Variants in BAG4 observed in about 807,000 individuals in gnomAD.
BAG4 encodes the protein BAG cochaperone 4.
A neutral mutation model predicts 52.1 loss-of-function variants in BAG4; 28 were observed. That is an observed-to-expected ratio of 0.54 (90% CI 0.40 to 0.74). The LOEUF (loss-of-function observed/expected upper bound fraction) is 0.74, where lower values mean the gene tolerates loss of function less well. BAG4 is among the 30% of genes least tolerant of loss of function. BAG4 has a pLI of 0.00. For synonymous variants in BAG4, 208 were observed against 217.0 expected (o/e 0.96, Z 0.37); for missense variants, 525 against 572.0 (o/e 0.92, Z 0.84).
Position 38,176,918 on chromosome 8 carries a change from T to C in BAG4, c.49T>C (p.Tyr17His), listed in dbSNP as rs757869191. The change falls in exon 1 of 5, where the codon TAC (tyrosine) becomes CAC (histidine). Residue 17 changes from tyrosine (Y) to histidine (H), a missense_variant. Coordinates refer to ENST00000287322, the MANE Select transcript of BAG4 (RefSeq NM_004874.4). Reference sequence around the variant, plus strand: ...CTACGGCCCCAGTGACGGTCCGTCCTACGGCCGCTACTACGGGCCTGGGGG... The same window carrying C: ...CTACGGCCCCAGTGACGGTCCGTCCCACGGCCGCTACTACGGGCCTGGGGG... ...SGYGPSDGPS[Y>H]GRYYGPGGGD... is the part of the protein sequence containing the mutation. The C allele has an allele frequency of 1.3e-6, 2 of 1,550,044 alleles. No homozygotes were observed. Among genetic ancestry groups the C allele is most frequent in the South Asian group, 1.2e-5 (1 of 84,040 alleles).
At chr8:38,188,868 A>G (rs566183182) in intron 1 of BAG4, among the ~76,000 whole-genome samples, 63 of 152,000 alleles carry the variant, frequency 4.1e-4, no homozygotes, top group African/African-American at 1.4e-3. Flanking sequence ...ATCTTGGCTC[A>G]CTGCAACCTC....
At chr8:38,205,787 C>T (rs777713118) in intron 2 of BAG4, among the ~76,000 whole-genome samples, 6 of 151,884 alleles carry the variant, frequency 4.0e-5, no homozygotes, top group Non-Finnish European at 5.9e-5. Flanking sequence ...ATATAGTCTT[C>T]GAGATAGAGA....
At chr8:38,184,049 A>AT (rs1416247608) in intron 1 of BAG4, among the ~76,000 whole-genome samples, 5 of 152,202 alleles carry the variant, frequency 3.3e-5, no homozygotes, top group Non-Finnish European at 5.9e-5. Context: ...TAAACAGGTT[A>AT]TTGGAGTTAT....
At chr8:38,194,113 C>G (rs1470564722) in intron 2 of BAG4, among the ~76,000 whole-genome samples, 2 of 152,076 alleles carry the variant, frequency 1.3e-5, no homozygotes, top group African/African-American at 4.8e-5. Context: ...CTCAGGTGAT[C>G]CGCCCACCTT....
At chr8:38,202,467 G>A (rs1389568092) in intron 2 of BAG4, among the ~76,000 whole-genome samples, 1 of 151,552 alleles carries the variant, frequency 6.6e-6, no homozygotes, top group African/African-American at 2.4e-5. Context: ...GGTTGCCCCC[G>A]CTTATCTTAA....
intron 2 of BAG4, among the ~76,000 whole-genome samples, chr8:38,196,004 G>A (rs535243959): frequency 1.3e-5 from 2 of 152,244 alleles, no homozygotes; most frequent in East Asian, 1.9e-4. Context: ...CATACAGTAT[G>A]TGGCATTTTG....
intron 1 of BAG4, among the ~76,000 whole-genome samples, chr8:38,184,751 A>C (rs1272577497): frequency 6.6e-6 from 1 of 152,136 alleles, no homozygotes; most frequent in Non-Finnish European, 1.5e-5. Flanking sequence ...GGGAGGGAGA[A>C]AGGTTTGTAG....
Position 38,212,556 on chromosome 8 carries a change from A to T in BAG4, c.*2063A>T, listed in dbSNP as rs1803882267. On this transcript the variant is annotated 3_prime_UTR_variant, in exon 5 of 5. Transcript: ENST00000287322. Reference sequence around the variant, plus strand: ...AGAAAGTTTAAAAAGTAGAGATTTTAGTCTTTTCACTAATGTCCTTTTACT... The same window carrying T: ...AGAAAGTTTAAAAAGTAGAGATTTTTGTCTTTTCACTAATGTCCTTTTACT... 1 of 152,202 alleles carries T rather than the reference A, an allele frequency of 6.6e-6. No individual in the cohort carries two copies. The highest frequency in any genetic ancestry group is 2.1e-4 in the South Asian group (1 of 4,828). 9.4% of individuals were successfully genotyped at this position (152,202 alleles called of 1,614,324 possible).
chr8:38,177,778 C>G (rs937684578), intron 1 of BAG4, among the ~76,000 whole-genome samples: 1 of 152,112 alleles, frequency 6.6e-6, no homozygotes, highest in Non-Finnish European at 1.5e-5. Flanking sequence ...ACTCACTTGC[C>G]TAATACACTT....
At chr8:38,184,312 C>G (rs1009721164) in intron 1 of BAG4, among the ~76,000 whole-genome samples, 1 of 151,572 alleles carries the variant, frequency 6.6e-6, no homozygotes, top group South Asian at 2.1e-4. Flanking sequence ...ACAAAAAATA[C>G]AAAAATTAGC....
chr8:38,200,661 C>T (rs1171349772), intron 2 of BAG4, among the ~76,000 whole-genome samples: 1 of 151,766 alleles, frequency 6.6e-6, no homozygotes, highest in Non-Finnish European at 1.5e-5. Context: ...TGCAATGGCA[C>T]GATCTTGGCT....
chr8:38,182,897 TA>T (rs888832701), intron 1 of BAG4, among the ~76,000 whole-genome samples: 1 of 152,064 alleles, frequency 6.6e-6, no homozygotes, highest in African/African-American at 2.4e-5. Context: ...TTTTTTTCAT[TA>T]AAAAAATTAT....
Position 38,210,667 on chromosome 8 carries a change from AGTT to A in BAG4, c.*178_*180del, listed in dbSNP as rs1803853531. ...GGAATGGAAGAATATTTTAGTCATG[AGTT>A]GTTTTCAGTTTTCAGACGAATGAAT... On this transcript the variant is annotated 3_prime_UTR_variant, in exon 5 of 5. Transcript: ENST00000287322. The A allele has an allele frequency of 1.2e-6, 1 of 839,620 alleles. No homozygotes were observed. Among genetic ancestry groups the A allele is most frequent in the Non-Finnish European group, 1.7e-6 (1 of 588,852 alleles). The allele number at this position is 839,620 out of a possible 1,614,324, so 52.0% of individuals were successfully genotyped here.
chr8:38,178,128 A>G (rs1213437540), intron 1 of BAG4, among the ~76,000 whole-genome samples: 1 of 151,134 alleles, frequency 6.6e-6, no homozygotes, highest in African/African-American at 2.4e-5. Context: ...ATTATTCATA[A>G]TCGCCAAAAA....
intron 1 of BAG4, among the ~76,000 whole-genome samples, chr8:38,185,072 A>C (rs1396742688): frequency 6.7e-6 from 1 of 150,266 alleles, no homozygotes; most frequent in Admixed American, 6.7e-5. Context: ...CAGGGCAACA[A>C]GAGTGAGACT....
chr8:38,201,899 TTTTTTTTTTTA>T (rs1251019424), intron 2 of BAG4: 3 of 119,158 alleles, frequency 2.5e-5, no homozygotes, highest in South Asian at 2.8e-4. Flanking sequence ...TTTTTTTTTT[TTTTTTTTTTTA>T]AGAAGCTGTT....
intron 2 of BAG4, among the ~76,000 whole-genome samples, chr8:38,195,659 T>G (rs971107217): frequency 6.6e-6 from 1 of 152,162 alleles, no homozygotes; most frequent in South Asian, 2.1e-4. Flanking sequence ...AAAATAAAGA[T>G]CATGTTAGTA....
chr8:38,188,036 C>CAAAAA lies in BAG4; in HGVS notation c.271-4634_271-4630dup, dbSNP rs1157770485. Among the ~76,000 whole-genome samples the CAAAAA allele has an allele frequency of 1.1e-3, 42 of 37,112 alleles. 1 individual carries two copies. Among genetic ancestry groups the CAAAAA allele is most frequent in the African/African-American group, 4.2e-3 (40 of 9,502 alleles). The allele number at this position is 37,112 out of a possible 152,430, so 24.3% of individuals were successfully genotyped here. ...TGGGTGATAGAGTGAGACTCCGTCT[C>CAAAAA]AAAAAAAAAAAAAAAAAAAAAAGGA... On this transcript the variant is annotated intron_variant, in intron 1 of 4. Coordinates refer to ENST00000287322, the MANE Select transcript of BAG4 (RefSeq NM_004874.4).
At chr8:38,181,331 T>A (rs930657938) in intron 1 of BAG4, among the ~76,000 whole-genome samples, 3 of 149,462 alleles carry the variant, frequency 2.0e-5, no homozygotes, top group African/African-American at 7.4e-5. Flanking sequence ...ACCTCCCAGG[T>A]TCAAGCGATT....
Sources: allele counts gnomAD v4.1 joint callset (sites outside exome capture counted in the v4.1 genomes callset), GRCh38; gene constraint gnomAD v4.1.1; transcripts MANE v1.5; gene names NCBI Gene and HGNC (gene_info 2026-07-23, HGNC 2026-07-21).